PDE11A: variants seen among roughly 807,000 people sequenced by gnomAD.
PDE11A encodes phosphodiesterase 11A.
In PDE11A, 100 loss-of-function variants were observed where a neutral mutation model predicts 100.5. The observed-to-expected ratio is 1.00, with a 90% CI of 0.85 to 1.18. The LOEUF is 1.18. Ranked by LOEUF, PDE11A falls within the 50% of genes most tolerant of loss-of-function variation. The pLI, the probability that PDE11A is intolerant of heterozygous loss-of-function variation, is 0.00. For missense variants in PDE11A, 1,141 were observed against 1,152.6 expected (o/e 0.99, Z 0.15); for synonymous variants, 381 against 420.8 (o/e 0.91, Z 1.16).
At chr2:177,667,116 G>A (rs1166210342) in intron 18 of PDE11A, among the ~76,000 whole-genome samples, 1 of 151,956 alleles carries the variant, frequency 6.6e-6, no homozygotes, top group African/African-American at 2.4e-5. Context: ...GTTTCACCAT[G>A]TTGGCCAGGC....
intron 2 of PDE11A, chr2:177,997,914 T>C: frequency 7.6e-7 from 1 of 1,322,882 alleles, no homozygotes; most frequent in Non-Finnish European, 1.1e-6. Context: ...ACAATTTCAA[T>C]ACCTCCAACT....
At position 178,072,279 on chromosome 2, in the gene PDE11A, G is replaced by A. The variant is rs992080243; in HGVS notation, c.159C>T (p.Pro53=). The part of the protein sequence containing the change: ...SQGQGALGPR[P]SLAGTSSLAH... ...CCAAGCTGCTGGTACCAGCCAAAGAGGGCCTTGGACCTAAAGCCCCCTGAC... is the reference window on the plus strand; with the variant it reads ...CCAAGCTGCTGGTACCAGCCAAAGAAGGCCTTGGACCTAAAGCCCCCTGAC... The change falls in exon 1 of 20, where the codon CCC becomes CCT. Residue 53 remains proline (P), a synonymous_variant. Coordinates refer to ENST00000286063, the MANE Select transcript of PDE11A (RefSeq NM_016953.4). 1.2e-6 allele frequency: 2 copies of A among 1,613,852 alleles called. No individual in the cohort carries two copies. Among genetic ancestry groups the A allele is most frequent in the South Asian group, 2.2e-5 (2 of 91,034 alleles).
chr2:177,624,214 T>A lies in PDE11A; in HGVS notation c.*5193A>T, dbSNP rs1005116160. 4.0e-5 allele frequency: 6 copies of A among 151,742 alleles called. No individual in the cohort carries two copies. The highest frequency in any genetic ancestry group is 1.4e-4 in the African/African-American group (6 of 41,480). The allele number at this position is 151,742 out of a possible 1,614,324, so 9.4% of individuals were successfully genotyped here. ...TGCCAGAGTTTTTAGGGTCCCAAAT[T>A]AGGTTTTGTTCTGTTGCTTTAATGA... On this transcript the variant is annotated 3_prime_UTR_variant, in exon 20 of 20. Coordinates refer to ENST00000286063, the MANE Select transcript of PDE11A (RefSeq NM_016953.4).
rs568029933 is a variant in PDE11A at position 177,871,162 on chromosome 2, T to C, written c.1367+4697A>G. Among the ~76,000 whole-genome samples, 9 of 152,300 alleles carry C rather than the reference T, an allele frequency of 5.9e-5. No homozygotes were observed. The East Asian group carries it at 1.7e-3, about 29-fold the overall frequency. ...TTTCTTTTGTGCATCCCTTTCCCTA[T>C]ATGCACTTGGATCTCTGTGGGTTAA... is the stretch of plus-strand genomic sequence containing the variant. On this transcript the variant is annotated intron_variant, in intron 5 of 19. Coordinates refer to ENST00000286063, the MANE Select transcript of PDE11A (RefSeq NM_016953.4).
At chr2:178,046,396 T>G (rs2105852926) in intron 1 of PDE11A, among the ~76,000 whole-genome samples, 1 of 152,216 alleles carries the variant, frequency 6.6e-6, no homozygotes, top group East Asian at 1.9e-4. Context: ...AATCTTACAG[T>G]GTGAAACAAT....
At chr2:177,844,561 G>C (rs1467970095) in intron 5 of PDE11A, among the ~76,000 whole-genome samples, 1 of 147,922 alleles carries the variant, frequency 6.8e-6, no homozygotes, top group African/African-American at 2.5e-5. Context: ...ATTTTTTATT[G>C]ATAATTCTTG....
In PDE11A at chr2:177,629,552, T is replaced by G; in HGVS notation, c.2657A>C (p.Lys886Thr). Residue 886 changes from lysine (K) to threonine (T), a missense_variant, in exon 20 of 20, where the codon AAG becomes ACG. Physicochemically the swap from Lys to Thr is moderately conservative, Grantham distance 78. Transcript: ENST00000286063. ...CATCGGCTTCAGTTTCACGTTGACC[T>G]TCACCAGTGCCTAAAACAAAACAAA... Reference protein sequence around the residue: ...ICMPLYQALVKVNVKLKPMLD... With the variant: ...ICMPLYQALVTVNVKLKPMLD... 6.2e-7 allele frequency: 1 copy of G among 1,608,124 alleles called. No individual in the cohort carries two copies. Among genetic ancestry groups the G allele is most frequent in the Non-Finnish European group, 8.5e-7 (1 of 1,176,278 alleles).
At chr2:177,649,660 T>C (rs1458159253) in intron 19 of PDE11A, among the ~76,000 whole-genome samples, 1 of 152,194 alleles carries the variant, frequency 6.6e-6, no homozygotes, top group Non-Finnish European at 1.5e-5. Context: ...GCATTATGTA[T>C]TAAAAACAGT....
intron 10 of PDE11A, among the ~76,000 whole-genome samples, 179 bp downstream of exon 10, chr2:177,769,144 A>G (rs2082277010): frequency 6.6e-6 from 1 of 152,192 alleles, no homozygotes; most frequent in South Asian, 2.1e-4. Flanking sequence ...ATGACTACTC[A>G]GTTATACAAA....
chr2:177,816,790 G>A lies in PDE11A; in HGVS notation c.1737+39C>T, dbSNP rs115662866. 10,857 of 1,153,732 alleles carry A rather than the reference G, an allele frequency of 9.4e-3. 112 individuals are homozygous for A. Among genetic ancestry groups the A allele is most frequent in the East Asian group, 0.044 (1,873 of 42,756 alleles). 71.5% of individuals were successfully genotyped at this position (1,153,732 alleles called of 1,614,324 possible). On this transcript the variant is annotated intron_variant, in intron 9 of 19. Coordinates refer to ENST00000286063, the MANE Select transcript of PDE11A (RefSeq NM_016953.4). ...AAATTTTTTCCCTCATAAAATTAGA[G>A]CTGACAGCATACAAACCTGACATAA... is the stretch of plus-strand genomic sequence containing the variant.
At chr2:178,078,324 A>G (rs1258383329) in intron 2 of PDE11A, among the ~76,000 whole-genome samples, 1 of 152,138 alleles carries the variant, frequency 6.6e-6, no homozygotes, top group Non-Finnish European at 1.5e-5. Flanking sequence ...GCTATAAACC[A>G]TAGAACACTT....
In PDE11A at chr2:177,841,878, TA is replaced by T. The variant is rs1362143423; in HGVS notation, c.1368-1496del. Among the ~76,000 whole-genome samples, 3 of 149,662 alleles carry T rather than the reference TA, an allele frequency of 2.0e-5. No homozygotes were observed. In the South Asian group the frequency reaches 6.3e-4, roughly 32 times the overall value. ...AAAGAGAAGAAGAAGCTTTATTTTC[TA>T]AAACAAATCAAAACAAAAGAACAAA... On this transcript the variant is annotated intron_variant, in intron 5 of 19. Transcript: ENST00000286063.
chr2:177,636,134 A>G (rs2080034645), intron 19 of PDE11A, among the ~76,000 whole-genome samples: 1 of 152,136 alleles, frequency 6.6e-6, no homozygotes, highest in Non-Finnish European at 1.5e-5. Flanking sequence ...CAGGATTTTT[A>G]TAATAGCCAT....
chr2:178,033,194 G>GACTCTAAT (rs1559048656), intron 1 of PDE11A, among the ~76,000 whole-genome samples: 1 of 152,176 alleles, frequency 6.6e-6, no homozygotes, highest in Non-Finnish European at 1.5e-5. Context: ...CCAGTTTAGA[G>GACTCTAAT]AGGAACATAA....
intron 2 of PDE11A, among the ~76,000 whole-genome samples, chr2:177,968,267 G>T (rs10930818): frequency 0.063 from 9,549 of 152,204 alleles, 308 homozygotes; most frequent in South Asian, 0.094. Context: ...TTTATCAACA[G>T]AAACATTTAT....
At chr2:177,950,611 C>T (rs1223981516) in intron 2 of PDE11A, among the ~76,000 whole-genome samples, 1 of 152,168 alleles carries the variant, frequency 6.6e-6, no homozygotes, top group African/African-American at 2.4e-5. Flanking sequence ...TTGTGACATC[C>T]ATGTCAATAC....
intron 2 of PDE11A, among the ~76,000 whole-genome samples, chr2:177,965,902 T>C (rs1406800848): frequency 2.0e-5 from 3 of 152,190 alleles, no homozygotes; most frequent in Non-Finnish European, 4.4e-5. Flanking sequence ...AAAAATGTAA[T>C]TGGTAGTTTG....
chr2:177,886,718 A>T (rs2084437208), intron 4 of PDE11A, among the ~76,000 whole-genome samples: 1 of 152,198 alleles, frequency 6.6e-6, no homozygotes, highest in African/African-American at 2.4e-5. Context: ...TAATTATAAA[A>T]GTAGTGTACA....
At chr2:177,697,025 A>G (rs1311680661) in intron 15 of PDE11A, among the ~76,000 whole-genome samples, 1 of 152,240 alleles carries the variant, frequency 6.6e-6, no homozygotes, top group African/African-American at 2.4e-5. Flanking sequence ...TAACAGTCTT[A>G]AATAGCAATA....
Sources: gnomAD v4.1 joint callset for allele counts (sites outside exome capture counted in the v4.1 genomes callset) on GRCh38, gnomAD v4.1.1 for gene constraint, MANE v1.5 for transcripts, NCBI Gene and HGNC (gene_info 2026-07-23, HGNC 2026-07-21) for gene names.